Variants in HSPA4L observed in about 807,000 individuals in gnomAD.
HSPA4L encodes heat shock 70 kDa protein 4L.
In HSPA4L, 48 loss-of-function variants were observed where a neutral mutation model predicts 100.3. The ratio of observed to expected loss-of-function variants is 0.48; its 90% CI spans 0.38 to 0.61. The LOEUF is 0.61. Among genes scored for constraint, HSPA4L ranks in the 20% least tolerant of loss-of-function variants. HSPA4L has a pLI of 0.00. For missense variants in HSPA4L, 886 were observed against 988.6 expected (o/e 0.90, Z 1.39); for synonymous variants, 319 against 328.2 (o/e 0.97, Z 0.30).
At chr4:127,816,202 CA>C (rs1388984300) in intron 12 of HSPA4L, among the ~76,000 whole-genome samples, 5 of 151,942 alleles carry the variant, frequency 3.3e-5, no homozygotes, top group African/African-American at 1.2e-4. Context: ...GTCATAGCAG[CA>C]AACAGAAAGA....
intron 6 of HSPA4L, 68 bp from the exon 7 acceptor site, chr4:127,803,561 G>A: frequency 7.2e-7 from 1 of 1,391,184 alleles, no homozygotes; most frequent in South Asian, 1.7e-5. Context: ...TTATTTTAGA[G>A]GTTTTTCTTT....
At position 127,801,824 on chromosome 4, in the gene HSPA4L, C is replaced by T; in HGVS notation, c.569C>T (p.Pro190Leu). 6.2e-7 allele frequency: 1 copy of T among 1,611,136 alleles called. No individual in the cohort carries two copies. The highest frequency in any genetic ancestry group is 8.5e-7 in the Non-Finnish European group (1 of 1,178,134). ...GGAATTTATAAACAGGATCTTCCCC[C>T]ATTAGATGAGAAACCAAGAAATGTA... The part of the protein sequence containing the change: ...AYGIYKQDLP[P>L]LDEKPRNVVF... The change falls in exon 6 of 19, where the codon CCA becomes CTA. Residue 190 changes from proline (P) to leucine (L), a missense_variant. Pro to Leu is a moderately conservative substitution (Grantham distance 98, BLOSUM62 -3). Transcript: ENST00000296464.
intron 16 of HSPA4L, among the ~76,000 whole-genome samples, chr4:127,824,194 T>G (rs548373351): frequency 1.1e-4 from 17 of 152,224 alleles, no homozygotes; most frequent in Non-Finnish European, 2.4e-4. Flanking sequence ...TAAGGCTGAA[T>G]AGTATTCCGT....
Position 127,838,531 on chromosome 4 carries a change from G to A in HSPA4L, c.*5657G>A, listed in dbSNP as rs1160400070. The A allele has an allele frequency of 6.6e-6, 1 of 152,078 alleles. No homozygotes were observed. The allele number at this position is 152,078 out of a possible 1,614,324, so 9.4% of individuals were successfully genotyped here. On this transcript the variant is annotated 3_prime_UTR_variant, in exon 19 of 19. Coordinates refer to ENST00000296464, the MANE Select transcript of HSPA4L (RefSeq NM_014278.4). ...AAATTAATAGTATGCTCTTTGCTTTGGAATCTCTAATTTACGGTCATGCCC... is the reference window on the plus strand; with the variant it reads ...AAATTAATAGTATGCTCTTTGCTTTAGAATCTCTAATTTACGGTCATGCCC...
At position 127,801,822 on chromosome 4, in the gene HSPA4L, C is replaced by T; in HGVS notation, c.567C>T (p.Pro189=). Residue 189 remains proline, a synonymous_variant, in exon 6 of 19, where the codon CCC becomes CCT. Coordinates refer to ENST00000296464, the MANE Select transcript of HSPA4L (RefSeq NM_014278.4). Reference sequence around the variant, plus strand: ...ATGGAATTTATAAACAGGATCTTCCCCCATTAGATGAGAAACCAAGAAATG... The same window carrying T: ...ATGGAATTTATAAACAGGATCTTCCTCCATTAGATGAGAAACCAAGAAATG... ...LAYGIYKQDL[P]PLDEKPRNVV... 1 of 1,610,760 alleles carries T rather than the reference C, an allele frequency of 6.2e-7. No homozygotes were observed.
intron 2 of HSPA4L, among the ~76,000 whole-genome samples, chr4:127,794,750 G>T (rs561165234): frequency 1.3e-5 from 2 of 152,100 alleles, no homozygotes; most frequent in Admixed American, 6.5e-5. Context: ...CCTTCTAAGT[G>T]TGTCACAGAT....
At chr4:127,782,132 A>C, upstream of HSPA4L, 1 of 450,498 alleles carries the variant, frequency 2.2e-6, no homozygotes, top group Non-Finnish European at 4.4e-6. Context: ...ATAGCTCAGC[A>C]GCCTCCATTT....
chr4:127,809,518 AT>A (rs1221735069), intron 11 of HSPA4L: 2 of 863,032 alleles, frequency 2.3e-6, no homozygotes, highest in African/African-American at 1.7e-5. Context: ...GTAATATCAA[AT>A]GCCAAAGCTA....
chr4:127,828,075 T>C (rs1733993065), intron 17 of HSPA4L, among the ~76,000 whole-genome samples: 1 of 152,090 alleles, frequency 6.6e-6, no homozygotes, highest in African/African-American at 2.4e-5. Flanking sequence ...CTTTGTAGTT[T>C]TTACTGTGTC....
At chr4:127,824,125 T>C (rs1280098587) in intron 16 of HSPA4L, among the ~76,000 whole-genome samples, 1 of 152,238 alleles carries the variant, frequency 6.6e-6, no homozygotes, top group Non-Finnish European at 1.5e-5. Flanking sequence ...TTATTTCACT[T>C]AGCATAATGT....
rs145734227 is a variant in HSPA4L at position 127,808,020 on chromosome 4, C to T, written c.1269C>T (p.Asn423=). 1.6e-5 allele frequency: 25 copies of T among 1,609,612 alleles called. No homozygotes were observed. The highest frequency in any genetic ancestry group is 2.0e-5 in the Non-Finnish European group (24 of 1,178,694). ...GSGECEVFCK[N]HPAPFSKVIT... is the part of the protein sequence containing the mutation. ...GGGAATGTGAAGTTTTCTGTAAGAA[C>T]CATCCTGCCCCATTCTCAAAAGTCA... Residue 423 remains asparagine, a synonymous_variant, in exon 11 of 19, where the codon AAC becomes AAT. Coordinates refer to ENST00000296464, the MANE Select transcript of HSPA4L (RefSeq NM_014278.4).
At chr4:127,822,419 AT>A in intron 14 of HSPA4L, among the ~76,000 whole-genome samples, 1 of 152,236 alleles carries the variant, frequency 6.6e-6, no homozygotes, top group East Asian at 1.9e-4. Context: ...TTTAGTGCAC[AT>A]TTGGGTTGTT....
intron 8 of HSPA4L, among the ~76,000 whole-genome samples, chr4:127,804,444 A>G (rs1025845490): frequency 3.3e-5 from 5 of 152,206 alleles, no homozygotes; most frequent in African/African-American, 1.2e-4. Flanking sequence ...CATCTCTATT[A>G]AAATTCCAAA....
intron 11 of HSPA4L, among the ~76,000 whole-genome samples, chr4:127,811,065 C>A (rs1285843253): frequency 6.6e-6 from 1 of 151,978 alleles, no homozygotes; most frequent in African/African-American, 2.4e-5. Context: ...CAAAAAAAAT[C>A]TATTTTGTTT....
At chr4:127,788,798 C>G (rs992889936) in intron 1 of HSPA4L, among the ~76,000 whole-genome samples, 1 of 152,184 alleles carries the variant, frequency 6.6e-6, no homozygotes, top group African/African-American at 2.4e-5. Context: ...AGTGACCCAA[C>G]AAAGAATTAT....
chr4:127,814,677 C>T (rs1276600710), intron 12 of HSPA4L, among the ~76,000 whole-genome samples: 1 of 152,140 alleles, frequency 6.6e-6, no homozygotes, highest in South Asian at 2.1e-4. Context: ...AAGCAGTTCT[C>T]CTGCCTCAGC....
intron 18 of HSPA4L, among the ~76,000 whole-genome samples, chr4:127,832,129 G>C (rs1734099152): frequency 6.6e-6 from 1 of 152,010 alleles, no homozygotes; most frequent in African/African-American, 2.4e-5. Context: ...CTATTTGTTT[G>C]TAAAAAGCAA....
At chr4:127,818,514 G>T in intron 13 of HSPA4L, 94 bp downstream of exon 13, 2 of 656,416 alleles carry the variant, frequency 3.0e-6, no homozygotes, top group East Asian at 2.9e-5. Context: ...TGATATTTTT[G>T]ATCTTAGAAT....
rs542847858 is a variant in HSPA4L, at chr4:127,838,924, C to T, written c.*6050C>T. 6 of 151,940 alleles carry T rather than the reference C, an allele frequency of 3.9e-5. No individual in the cohort carries two copies. Among genetic ancestry groups the T allele is most frequent in the Non-Finnish European group, 7.4e-5 (5 of 67,992 alleles). 9.4% of individuals were successfully genotyped at this position (151,940 alleles called of 1,614,324 possible). The stretch of plus-strand genomic sequence containing the variant: ...GTTAAGGGTTTTTTGGCTATAAATT[C>T]GTACTTGATAAGCTATGTTATTTCT... On this transcript the variant is annotated 3_prime_UTR_variant, in exon 19 of 19. Transcript: ENST00000296464.
Sources: gnomAD v4.1 joint callset for allele counts (sites outside exome capture counted in the v4.1 genomes callset) on GRCh38, gnomAD v4.1.1 for gene constraint, MANE v1.5 for transcripts, NCBI Gene and HGNC (gene_info 2026-07-23, HGNC 2026-07-21) for gene names.